Variants in LINGO2 observed in about 807,000 individuals in gnomAD.
The protein encoded by LINGO2 is leucine-rich repeat and immunoglobulin-like domain-containing nogo receptor-interacting protein 2.
LINGO2 carries 14 observed loss-of-function variants against 30.6 expected under a neutral mutation model. The ratio of observed to expected loss-of-function variants is 0.46; its 90% CI spans 0.30 to 0.72. The LOEUF (loss-of-function observed/expected upper bound fraction) is 0.72, where lower values mean the gene tolerates loss of function less well. Ranked by LOEUF, LINGO2 falls within the 30% of genes least tolerant of loss-of-function variation. The pLI is 0.07. For missense variants in LINGO2, 729 were observed against 751.7 expected (o/e 0.97, Z 0.35); for synonymous variants, 317 against 288.5 (o/e 1.10, Z -1.00).
intron 5 of LINGO2, among the ~76,000 whole-genome samples, chr9:28,010,410 C>T (rs1822495543): frequency 1.3e-5 from 2 of 152,178 alleles, no homozygotes. Flanking sequence ...GGCCCCTTTC[C>T]TCACCCATAT....
chr9:28,990,394 A>G, the LINGO2 span, among the ~76,000 whole-genome samples: 1 of 152,168 alleles, frequency 6.6e-6, no homozygotes, highest in African/African-American at 2.4e-5. Flanking sequence ...AAGGAGGCCT[A>G]CCTGCCTCTG....
At chr9:28,947,141 A>ATATATC in the LINGO2 span, among the ~76,000 whole-genome samples, 9,833 of 151,970 alleles carry the variant, frequency 0.065, 418 homozygotes, top group South Asian at 0.18. Context: ...ATATCTCTCT[A>ATATATC]TATATCTATA....
the LINGO2 span, among the ~76,000 whole-genome samples, chr9:28,904,433 A>G: frequency 6.6e-6 from 1 of 152,018 alleles, no homozygotes; most frequent in Non-Finnish European, 1.5e-5. Flanking sequence ...TTTGCAGAGG[A>G]CATAATCTTA....
the LINGO2 span, among the ~76,000 whole-genome samples, chr9:29,212,137 T>C: frequency 1.3e-5 from 2 of 152,144 alleles, no homozygotes; most frequent in Non-Finnish European, 2.9e-5. Flanking sequence ...ATCCCCGAAG[T>C]GGCTCCAGTT....
At chr9:29,076,526 G>T in the LINGO2 span, among the ~76,000 whole-genome samples, 1 of 149,974 alleles carries the variant, frequency 6.7e-6, no homozygotes, top group Non-Finnish European at 1.5e-5. Context: ...GTATGGTATA[G>T]GCAGAGTGGT....
chr9:28,221,734 G>A (rs1189602550), intron 4 of LINGO2, among the ~76,000 whole-genome samples: 1 of 152,178 alleles, frequency 6.6e-6, no homozygotes, highest in Non-Finnish European at 1.5e-5. Flanking sequence ...AATGCTCTGA[G>A]TAGATCCCTG....
intron 3 of LINGO2, among the ~76,000 whole-genome samples, chr9:28,342,184 C>T (rs1044949293): frequency 6.6e-5 from 10 of 152,248 alleles, no homozygotes; most frequent in African/African-American, 1.7e-4. Context: ...ACAAACCTCT[C>T]GCTGTCTATA....
At chr9:28,497,794 C>T (rs1819701733) in intron 1 of LINGO2, among the ~76,000 whole-genome samples, 1 of 152,136 alleles carries the variant, frequency 6.6e-6, no homozygotes, top group South Asian at 2.1e-4. Context: ...GTGGTTTTGT[C>T]TACCATCATC....
At chr9:28,975,572 A>G in the LINGO2 span, among the ~76,000 whole-genome samples, 2 of 152,188 alleles carry the variant, frequency 1.3e-5, no homozygotes, top group South Asian at 4.1e-4. Flanking sequence ...GTTATGCAAA[A>G]TTATCTATGA....
chr9:28,056,128 T>TC (rs1194352493), intron 4 of LINGO2, among the ~76,000 whole-genome samples: 2 of 152,144 alleles, frequency 1.3e-5, no homozygotes, highest in Non-Finnish European at 2.9e-5. Flanking sequence ...CTACCGCCCT[T>TC]CCTATTTATT....
At chr9:28,812,748 G>C in the LINGO2 span, among the ~76,000 whole-genome samples, 1 of 152,100 alleles carries the variant, frequency 6.6e-6, no homozygotes, top group African/African-American at 2.4e-5. Flanking sequence ...TGATTTATTT[G>C]GTTGAGATAA....
chr9:29,010,589 CA>C, the LINGO2 span, among the ~76,000 whole-genome samples: 68 of 152,164 alleles, frequency 4.5e-4, no homozygotes, highest in African/African-American at 1.6e-3. Context: ...TTTTGTGCTC[CA>C]AAAATAGCTA....
intron 4 of LINGO2, among the ~76,000 whole-genome samples, chr9:28,260,887 G>A (rs915095316): frequency 1.3e-5 from 2 of 151,928 alleles, no homozygotes; most frequent in Non-Finnish European, 2.9e-5. Flanking sequence ...CGAGCATTCC[G>A]TGAATGCTAT....
At chr9:28,506,489 C>T (rs374255644) in intron 1 of LINGO2, among the ~76,000 whole-genome samples, 65,426 of 78,162 alleles carry the variant, frequency 0.84, 27,127 homozygotes, top group South Asian at 0.88. Context: ...CATACACATA[C>T]ACACACACAC....
At chr9:28,244,069 A>C (rs946297098) in intron 4 of LINGO2, among the ~76,000 whole-genome samples, 5 of 149,316 alleles carry the variant, frequency 3.3e-5, no homozygotes, top group Non-Finnish European at 7.4e-5. Flanking sequence ...TGACCACATA[A>C]TTGGAAGTAA....
At chr9:28,172,980 C>T (rs1748174027) in intron 4 of LINGO2, among the ~76,000 whole-genome samples, 1 of 152,262 alleles carries the variant, frequency 6.6e-6, no homozygotes, top group Admixed American at 6.5e-5. Flanking sequence ...CTTGTTGAAA[C>T]TATTCTCTCT....
the LINGO2 span, among the ~76,000 whole-genome samples, chr9:29,165,342 T>C: frequency 6.6e-6 from 1 of 152,092 alleles, no homozygotes; most frequent in Non-Finnish European, 1.5e-5. Context: ...GCACTGGAGA[T>C]ACGGCAGTGA....
chr9:28,290,172 A>T (rs1823667806), intron 4 of LINGO2, among the ~76,000 whole-genome samples: 1 of 152,214 alleles, frequency 6.6e-6, no homozygotes, highest in South Asian at 2.1e-4. Flanking sequence ...GATTGATAGA[A>T]GATATGACAA....
chr9:28,456,180 G>T (rs893449493), intron 2 of LINGO2, among the ~76,000 whole-genome samples: 2 of 152,140 alleles, frequency 1.3e-5, no homozygotes, highest in East Asian at 3.9e-4. Context: ...TGAGGTAAGT[G>T]CTATTGTTAT....
Sources: allele counts gnomAD v4.1 joint callset (sites outside exome capture counted in the v4.1 genomes callset), GRCh38; gene constraint gnomAD v4.1.1; transcripts MANE v1.5; gene names NCBI Gene and HGNC (gene_info 2026-07-23, HGNC 2026-07-21).